The following MARCHF1 variants were observed in gnomAD, a reference collection of about 807,000 sequenced individuals.
MARCHF1 encodes membrane associated ring-CH-type finger 1, also known as E3 ubiquitin-protein ligase MARCHF1.
MARCHF1 carries 40 observed loss-of-function variants against 54.2 expected under a neutral mutation model. The observed-to-expected ratio is 0.74, with a 90% CI of 0.57 to 0.96. MARCHF1 has a LOEUF of 0.96. Ranked by LOEUF, MARCHF1 falls within the 40% of genes least tolerant of loss-of-function variation. The pLI is 0.00. For missense variants in MARCHF1, 586 were observed against 656.5 expected (o/e 0.89, Z 1.17); for synonymous variants, 236 against 236.3 (o/e 1.00, Z 0.01).
chr4:163,923,589 C>T lies in MARCHF1; in HGVS notation c.-39+64912G>A, dbSNP rs150135029. On this transcript the variant is annotated intron_variant, in intron 3 of 9. Coordinates refer to ENST00000514618, the MANE Select transcript of MARCHF1 (RefSeq NM_001394959.1). ...ATACTATCTTATATGCTATCTCACT[C>T]CAGTGAGCCTAAGATCAATATGCTG... Among the ~76,000 whole-genome samples, 289 of 152,038 alleles carry T rather than the reference C, an allele frequency of 1.9e-3. 3 individuals are homozygous for T. The highest frequency in any genetic ancestry group is 6.9e-3 in the African/African-American group (287 of 41,512).
chr4:163,807,121 C>T (rs1367161072), intron 4 of MARCHF1, among the ~76,000 whole-genome samples: 2 of 152,124 alleles, frequency 1.3e-5, no homozygotes, highest in African/African-American at 4.8e-5. Context: ...GAAGTTTTCA[C>T]AAAGGGGATA....
intron 3 of MARCHF1, among the ~76,000 whole-genome samples, chr4:163,906,688 C>G (rs1751074749): frequency 6.6e-6 from 1 of 151,510 alleles, no homozygotes; most frequent in South Asian, 2.1e-4. Context: ...TTTAAATTGA[C>G]TACTCTCAAA....
chr4:164,305,739 A>T (rs1490617078), intron 1 of MARCHF1, among the ~76,000 whole-genome samples: 3 of 152,180 alleles, frequency 2.0e-5, no homozygotes, highest in Non-Finnish European at 4.4e-5. Context: ...CAGTATTTTC[A>T]AAAAGCTAGA....
chr4:163,680,675 C>T (rs1382493753), intron 5 of MARCHF1, among the ~76,000 whole-genome samples: 2 of 152,134 alleles, frequency 1.3e-5, no homozygotes, highest in African/African-American at 4.8e-5. Context: ...CTTTAGACTT[C>T]TAAACTTTTT....
At position 164,111,351 on chromosome 4, in the gene MARCHF1, T is replaced by C. The variant is rs184011986; in HGVS notation, c.-248+237A>G. The stretch of plus-strand genomic sequence containing the variant: ...CAAATAATAAGATTCTTATCACAAG[T>C]CGTTAAAATATTGCCCAGTAGATAC... On this transcript the variant is annotated intron_variant, in intron 2 of 9. Coordinates refer to ENST00000514618, the MANE Select transcript of MARCHF1 (RefSeq NM_001394959.1). Among the ~76,000 whole-genome samples the C allele has an allele frequency of 1.8e-4, 27 of 151,838 alleles. No homozygotes were observed. The East Asian group carries it at 4.4e-3, about 25-fold the overall frequency.
At chr4:164,223,901 T>G (rs1437590674) in intron 1 of MARCHF1, among the ~76,000 whole-genome samples, 1 of 150,424 alleles carries the variant, frequency 6.6e-6, no homozygotes, top group Non-Finnish European at 1.5e-5. Context: ...TTTAAATTAA[T>G]TTGTGCAATT....
chr4:163,907,514 G>A (rs1751095853), intron 3 of MARCHF1, among the ~76,000 whole-genome samples: 1 of 151,976 alleles, frequency 6.6e-6, no homozygotes, highest in African/African-American at 2.4e-5. Context: ...GCCAAGTCAC[G>A]GCAGAATAAA....
intron 3 of MARCHF1, among the ~76,000 whole-genome samples, chr4:163,983,216 A>G (rs901043734): frequency 3.9e-5 from 6 of 152,196 alleles, no homozygotes; most frequent in Non-Finnish European, 8.8e-5. Flanking sequence ...GGGATAATAG[A>G]AGAAAATAAA....
At chr4:163,714,398 G>C (rs1745197528) in intron 4 of MARCHF1, among the ~76,000 whole-genome samples, 1 of 152,186 alleles carries the variant, frequency 6.6e-6, no homozygotes, top group Non-Finnish European at 1.5e-5. Flanking sequence ...GCCACTCACT[G>C]TCCATAAATA....
At chr4:164,058,483 G>A (rs1480682213) in intron 2 of MARCHF1, among the ~76,000 whole-genome samples, 1 of 152,164 alleles carries the variant, frequency 6.6e-6, no homozygotes, top group Non-Finnish European at 1.5e-5. Context: ...CTCAGAAGGC[G>A]ACCTCAGTTG....
At chr4:164,046,291 T>C (rs983116821) in intron 2 of MARCHF1, among the ~76,000 whole-genome samples, 2 of 152,242 alleles carry the variant, frequency 1.3e-5, no homozygotes, top group African/African-American at 2.4e-5. Flanking sequence ...AGTCTTTTGC[T>C]GTATACATAT....
At position 164,257,682 on chromosome 4, in the gene MARCHF1, G is replaced by T. The variant is rs1418623007; in HGVS notation, c.-323+126188C>A. On this transcript the variant is annotated intron_variant, in intron 1 of 9. Coordinates refer to ENST00000514618, the MANE Select transcript of MARCHF1 (RefSeq NM_001394959.1). The stretch of plus-strand genomic sequence containing the variant: ...AATAAAAAACATAATAAAATCAATT[G>T]TGTGGCCAGGCATGGCAGCTCACGC... Among the ~76,000 whole-genome samples the T allele has an allele frequency of 7.2e-5, 11 of 152,052 alleles. 1 individual carries two copies. The highest frequency in any genetic ancestry group is 3.4e-3 in the Middle Eastern group (1 of 294).
intron 1 of MARCHF1, among the ~76,000 whole-genome samples, chr4:164,231,755 T>C (rs1250868806): frequency 6.6e-6 from 1 of 152,096 alleles, no homozygotes; most frequent in East Asian, 1.9e-4. Context: ...AAAGAATGCA[T>C]TCTCTCTATA....
chr4:163,865,729 G>A (rs1048732532), intron 3 of MARCHF1, among the ~76,000 whole-genome samples: 8 of 151,546 alleles, frequency 5.3e-5, no homozygotes, highest in Non-Finnish European at 1.5e-5. Flanking sequence ...CAGCTGGGGT[G>A]GGGGTGTTTT....
At chr4:164,026,936 A>G (rs1753780412) in intron 2 of MARCHF1, among the ~76,000 whole-genome samples, 1 of 152,150 alleles carries the variant, frequency 6.6e-6, no homozygotes, top group Non-Finnish European at 1.5e-5. Context: ...ATTTCTGTAC[A>G]CTAATCATGG....
intron 3 of MARCHF1, among the ~76,000 whole-genome samples, chr4:163,908,399 T>C (rs1254504177): frequency 6.6e-6 from 1 of 152,200 alleles, no homozygotes; most frequent in Non-Finnish European, 1.5e-5. Context: ...TGCTGATTCA[T>C]ATTTTCAGAG....
At chr4:164,272,707 G>A (rs1397748757) in intron 1 of MARCHF1, among the ~76,000 whole-genome samples, 2 of 151,772 alleles carry the variant, frequency 1.3e-5, no homozygotes, top group African/African-American at 2.4e-5. Context: ...CTTTAAGTCA[G>A]GTAGTGAGTA....
intron 1 of MARCHF1, among the ~76,000 whole-genome samples, chr4:164,132,467 T>C (rs1185983462): frequency 6.6e-6 from 1 of 152,154 alleles, no homozygotes; most frequent in Admixed American, 6.6e-5. Flanking sequence ...GTGATTTTCT[T>C]CATATTGCAT....
intron 2 of MARCHF1, among the ~76,000 whole-genome samples, chr4:164,086,025 G>A (rs529818532): frequency 6.6e-6 from 1 of 151,484 alleles, no homozygotes; most frequent in African/African-American, 2.4e-5. Flanking sequence ...AAAAGAAAAG[G>A]CTATTAAAAA....
Sources: gnomAD v4.1 joint callset for allele counts (sites outside exome capture counted in the v4.1 genomes callset) on GRCh38, gnomAD v4.1.1 for gene constraint, MANE v1.5 for transcripts, NCBI Gene and HGNC (gene_info 2026-07-23, HGNC 2026-07-21) for gene names.